The following KLF12 variants were observed in gnomAD, a reference collection of about 807,000 sequenced individuals.
KLF12 encodes the protein Krueppel-like factor 12.
A neutral mutation model predicts 37.8 loss-of-function variants in KLF12; 9 were observed. That is an observed-to-expected ratio of 0.24 (90% CI 0.14 to 0.42). The LOEUF (loss-of-function observed/expected upper bound fraction) is 0.42, where lower values mean the gene tolerates loss of function less well. Among genes scored for constraint, KLF12 ranks in the 10% least tolerant of loss-of-function variants. The pLI, the probability that KLF12 is intolerant of heterozygous loss-of-function variation, is 1.00. For synonymous variants in KLF12, 208 were observed against 202.1 expected, an observed-to-expected ratio of 1.03 and a Z score of -0.25; for missense variants, 411 against 516.0, an observed-to-expected ratio of 0.80 and a Z score of 1.97.
the KLF12 span, among the ~76,000 whole-genome samples, chr13:74,237,801 C>T: frequency 6.6e-6 from 1 of 152,262 alleles, no homozygotes; most frequent in Non-Finnish European, 1.5e-5. Context: ...TATGCTGAGA[C>T]TTTGCTGAAG....
At chr13:74,138,777 T>C (rs1314722252), upstream of KLF12, among the ~76,000 whole-genome samples, 1 of 152,184 alleles carries the variant, frequency 6.6e-6, no homozygotes, top group Non-Finnish European at 1.5e-5. Context: ...CATGCACTAA[T>C]TATAACATAT....
chr13:74,241,881 G>A, the KLF12 span, among the ~76,000 whole-genome samples: 2 of 152,160 alleles, frequency 1.3e-5, no homozygotes, highest in African/African-American at 2.4e-5. Context: ...TACCTCAGAT[G>A]GAAATGCAGA....
At chr13:74,171,144 A>G in the KLF12 span, among the ~76,000 whole-genome samples, 1 of 152,214 alleles carries the variant, frequency 6.6e-6, no homozygotes, top group South Asian at 2.1e-4. Context: ...CCTTCAAACC[A>G]GGTCTCCTGA....
chr13:74,001,327 A>G (rs1892276073), intron 1 of KLF12, among the ~76,000 whole-genome samples: 1 of 152,258 alleles, frequency 6.6e-6, no homozygotes, highest in Non-Finnish European at 1.5e-5. Context: ...ATGTATACAT[A>G]GAATGCCAAA....
intron 1 of KLF12, among the ~76,000 whole-genome samples, chr13:74,012,010 C>A (rs1662493591): frequency 6.6e-6 from 1 of 151,652 alleles, no homozygotes; most frequent in African/African-American, 2.4e-5. Flanking sequence ...ATTTTCCTGG[C>A]CTTTAACTGT....
chr13:74,290,459 A>G, the KLF12 span, among the ~76,000 whole-genome samples: 1 of 152,178 alleles, frequency 6.6e-6, no homozygotes, highest in South Asian at 2.1e-4. Context: ...ACTGCCGCAT[A>G]TTACTCACTA....
At chr13:73,879,012 T>G (rs1189180869) in intron 3 of KLF12, among the ~76,000 whole-genome samples, 1 of 152,148 alleles carries the variant, frequency 6.6e-6, no homozygotes, top group Non-Finnish European at 1.5e-5. Flanking sequence ...GATTTATGTT[T>G]TAAAAGGATC....
chr13:73,727,750 T>G (rs1008368348), intron 6 of KLF12, among the ~76,000 whole-genome samples: 4 of 151,894 alleles, frequency 2.6e-5, no homozygotes, highest in Non-Finnish European at 5.9e-5. Flanking sequence ...CAGGCTGCAG[T>G]GCAGTGGCGT....
chr13:74,213,915 A>G, the KLF12 span, among the ~76,000 whole-genome samples: 2 of 152,060 alleles, frequency 1.3e-5, no homozygotes, highest in African/African-American at 4.8e-5. Context: ...TATCAAATGA[A>G]GATTTAGCAT....
At chr13:74,168,553 C>T in the KLF12 span, among the ~76,000 whole-genome samples, 8 of 152,162 alleles carry the variant, frequency 5.3e-5, no homozygotes, top group African/African-American at 4.8e-5. Context: ...AAGATCAAAT[C>T]GTTCCCCAAG....
the KLF12 span, among the ~76,000 whole-genome samples, chr13:74,228,649 T>C: frequency 1.3e-5 from 2 of 152,154 alleles, no homozygotes; most frequent in South Asian, 2.1e-4. Flanking sequence ...ATCTATATTG[T>C]CTGAATTCAA....
the KLF12 span, among the ~76,000 whole-genome samples, chr13:74,290,118 C>G: frequency 1.3e-5 from 2 of 152,240 alleles, no homozygotes; most frequent in East Asian, 1.9e-4. Flanking sequence ...CTGCTAGACC[C>G]CCAGACAGCA....
At chr13:74,294,406 T>C in the KLF12 span, among the ~76,000 whole-genome samples, 2 of 152,112 alleles carry the variant, frequency 1.3e-5, no homozygotes, top group African/African-American at 4.8e-5. Flanking sequence ...TATTTTTTTT[T>C]AGGCCAGGCT....
At chr13:74,235,451 GT>G in the KLF12 span, among the ~76,000 whole-genome samples, 2 of 152,168 alleles carry the variant, frequency 1.3e-5, no homozygotes, top group African/African-American at 4.8e-5. Flanking sequence ...ATGCCATGAA[GT>G]GATTGAATAT....
chr13:73,977,148 T>C (rs533819783), intron 2 of KLF12, among the ~76,000 whole-genome samples: 10 of 151,852 alleles, frequency 6.6e-5, no homozygotes, highest in Admixed American at 5.9e-4. Flanking sequence ...CTTCCCAGGC[T>C]GAAGCACCTC....
rs529499062 is a variant in KLF12, at chr13:73,715,289, C to T, written c.1027+79G>A. 2.7e-3 allele frequency: 3,575 copies of T among 1,309,224 alleles called. 6 individuals are homozygous for T. The highest frequency in any genetic ancestry group is 3.5e-3 in the Non-Finnish European group (3,276 of 938,762). 81.1% of individuals were successfully genotyped at this position (1,309,224 alleles called of 1,614,324 possible). A position where few individuals can be genotyped will look rare whatever the true frequency, so the allele number is the denominator to read the frequency against. On this transcript the variant is annotated intron_variant, in intron 7 of 7. Transcript: ENST00000377669. ...GAGAGGTACACAGGATGAATGAGTA[C>T]GAAAGGCTCCCGAGGTAAGTGGCCG...
intron 1 of KLF12, among the ~76,000 whole-genome samples, chr13:74,041,732 ACC>A (rs58625797): frequency 1.8e-4 from 25 of 139,514 alleles, no homozygotes; most frequent in Non-Finnish European, 3.5e-4. Context: ...ACACACACAC[ACC>A]CCTTCAAAAC....
intron 3 of KLF12, among the ~76,000 whole-genome samples, chr13:73,864,494 T>A (rs951252666): frequency 6.6e-6 from 1 of 152,078 alleles, no homozygotes; most frequent in African/African-American, 2.4e-5. Context: ...AACAATTATA[T>A]CAGATTGTAA....
chr13:73,772,413 C>G (rs1168574015), intron 5 of KLF12, among the ~76,000 whole-genome samples: 1 of 152,128 alleles, frequency 6.6e-6, no homozygotes. Flanking sequence ...GCTGCAGTGG[C>G]AGATAAACGG....
Sources: gnomAD v4.1 joint callset for allele counts (sites outside exome capture counted in the v4.1 genomes callset) on GRCh38, gnomAD v4.1.1 for gene constraint, MANE v1.5 for transcripts, NCBI Gene and HGNC (gene_info 2026-07-23, HGNC 2026-07-21) for gene names.